Variants in GRAMD2B observed in about 807,000 individuals in gnomAD.
GRAMD2B encodes GRAM domain containing 2B, also known as GRAM domain-containing protein 2B.
In GRAMD2B, 41 loss-of-function variants were observed where a neutral mutation model predicts 59.2. The ratio of observed to expected loss-of-function variants is 0.69; its 90% CI spans 0.54 to 0.90. The LOEUF (loss-of-function observed/expected upper bound fraction) is 0.90. Ranked by LOEUF, GRAMD2B falls within the 40% of genes least tolerant of loss-of-function variation. The pLI is 0.00. For missense variants in GRAMD2B, 424 were observed against 500.5 expected (o/e 0.85, Z 1.46); for synonymous variants, 161 against 182.7 (o/e 0.88, Z 0.96).
rs115105601 is a variant in GRAMD2B, at chr5:126,451,963, G to A, written c.84-13463G>A. Among the ~76,000 whole-genome samples, 1,091 of 151,908 alleles carry A rather than the reference G, an allele frequency of 7.2e-3. 14 individuals are homozygous for A. The highest frequency in any genetic ancestry group is 0.024 in the African/African-American group (1,002 of 41,408). On this transcript the variant is annotated intron_variant, in intron 1 of 13. Transcript: ENST00000285689. ...CATGGGATGTGCCTGCTCCCCCTTC[G>A]CCTTCCACCACGATTGTAAGCTCCC...
chr5:126,464,986 C>A, intron 1 of GRAMD2B: 1 of 888,952 alleles, frequency 1.1e-6, no homozygotes, highest in Non-Finnish European at 1.3e-6. Flanking sequence ...GGTTAAACAA[C>A]ATGTAAGTGA....
chr5:126,419,267 A>G (rs1759510095), upstream of GRAMD2B, among the ~76,000 whole-genome samples: 2 of 152,116 alleles, frequency 1.3e-5, no homozygotes, highest in Non-Finnish European at 2.9e-5. Flanking sequence ...TCATAGTGAA[A>G]GGCAAAGGGG....
intron 1 of GRAMD2B, chr5:126,462,380 C>G (rs1454496731): frequency 2.0e-6 from 2 of 984,098 alleles, no homozygotes; most frequent in Non-Finnish European, 2.4e-6. Flanking sequence ...CACTCAAACA[C>G]ACGCTAGCCT....
At chr5:126,382,938 C>T (rs1340507503) in intron 1 of GRAMD2B, among the ~76,000 whole-genome samples, 1 of 152,024 alleles carries the variant, frequency 6.6e-6, no homozygotes, top group African/African-American at 2.4e-5. Context: ...TCCTGAGAGC[C>T]AGACTGCAGT....
chr5:126,386,941 T>C (rs1010141521), intron 1 of GRAMD2B, among the ~76,000 whole-genome samples: 3 of 152,216 alleles, frequency 2.0e-5, no homozygotes, highest in African/African-American at 7.2e-5. Flanking sequence ...AATTCTAAGG[T>C]TTTGTTTTAC....
chr5:126,483,641 TAAA>T, intron 9 of GRAMD2B, 67 bp downstream of exon 9: 1 of 554,596 alleles, frequency 1.8e-6, no homozygotes, highest in Non-Finnish European at 2.9e-6. Flanking sequence ...CCCACCCCCT[TAAA>T]AAAAAAAAGA....
intron 2 of GRAMD2B, 105 bp from the exon 3 acceptor site, chr5:126,469,572 T>C: frequency 4.1e-6 from 3 of 738,230 alleles, no homozygotes; most frequent in Non-Finnish European, 7.1e-6. Flanking sequence ...GACGGGGAGG[T>C]TGCAGTGAAC....
upstream of GRAMD2B, among the ~76,000 whole-genome samples, chr5:126,420,768 A>C (rs1759652775): frequency 6.6e-6 from 1 of 152,238 alleles, no homozygotes; most frequent in South Asian, 2.1e-4. Flanking sequence ...AGGGACTCAG[A>C]CAAACATTTG....
Position 126,360,417 on chromosome 5 carries a change from T to C in GRAMD2B, c.86T>C (p.Phe29Ser), listed in dbSNP as rs576411135. ...CAGCTTATGCCCTGGAAGAGTATGTTCCACGGGAGAGAAGTGAAGCCAGTG... is the reference window on the plus strand; with the variant it reads ...CAGCTTATGCCCTGGAAGAGTATGTCCCACGGGAGAGAAGTGAAGCCAGTG... The change falls in exon 1 of 14, where the codon TTC becomes TCC. Residue 29 changes from phenylalanine to serine, a missense_variant. Coordinates refer to the GRAMD2B transcript ENST00000513040. 3.9e-6 allele frequency: 6 copies of C among 1,551,368 alleles called. No homozygotes were observed. The African/African-American group carries it at 5.5e-5, about 14-fold the overall frequency.
chr5:126,367,432 TG>T (rs1754507767), upstream of GRAMD2B, among the ~76,000 whole-genome samples: 3 of 140,682 alleles, frequency 2.1e-5, no homozygotes, highest in African/African-American at 8.1e-5. Context: ...CTGTAAAAAC[TG>T]GAGGAGGAGG....
intron 1 of GRAMD2B, among the ~76,000 whole-genome samples, chr5:126,430,102 A>T (rs1195518367): frequency 6.6e-6 from 1 of 152,206 alleles, no homozygotes; most frequent in Non-Finnish European, 1.5e-5. Flanking sequence ...GTAATAAAGC[A>T]AAGATCCTTG....
At chr5:126,369,258 A>G (rs1470728633), upstream of GRAMD2B, among the ~76,000 whole-genome samples, 1 of 134,192 alleles carries the variant, frequency 7.5e-6, no homozygotes, top group Non-Finnish European at 1.6e-5. Flanking sequence ...GTAAATGCTC[A>G]ATAAATACTT....
At chr5:126,384,165 C>T (rs1487133255) in intron 1 of GRAMD2B, among the ~76,000 whole-genome samples, 4 of 152,120 alleles carry the variant, frequency 2.6e-5, no homozygotes, top group Non-Finnish European at 5.9e-5. Context: ...ATCTATTCTT[C>T]AAGAAGAATA....
At chr5:126,433,292 A>G (rs1396962848) in intron 1 of GRAMD2B, among the ~76,000 whole-genome samples, 1 of 152,232 alleles carries the variant, frequency 6.6e-6, no homozygotes, top group East Asian at 1.9e-4. Flanking sequence ...TGCCCAAGTC[A>G]TAACAGCTGT....
upstream of GRAMD2B, among the ~76,000 whole-genome samples, chr5:126,420,025 A>C (rs888327715): frequency 1.0e-4 from 14 of 135,150 alleles, no homozygotes; most frequent in Non-Finnish European, 2.1e-4. Flanking sequence ...ACTGCACTCC[A>C]GCCTGGGCAA....
Position 126,469,114 on chromosome 5 carries a change from A to C in GRAMD2B, c.204-563A>C, listed in dbSNP as rs1442776240. Among the ~76,000 whole-genome samples the C allele has an allele frequency of 2.6e-5, 4 of 152,222 alleles. No individual in the cohort carries two copies. The East Asian group carries it at 5.8e-4, about 22-fold the overall frequency. On this transcript the variant is annotated intron_variant, in intron 2 of 13. Transcript: ENST00000285689. ...TACTGATTAAAATAGTTTCGTTTTA[A>C]AATGATGTAATTATTTTCACAACTT...
intron 2 of GRAMD2B, among the ~76,000 whole-genome samples, chr5:126,465,863 G>A (rs1768253775): frequency 6.6e-6 from 1 of 152,078 alleles, no homozygotes; most frequent in Non-Finnish European, 1.5e-5. Context: ...CCGGCCTTGG[G>A]TGTGCACACC....
chr5:126,475,704 G>T (rs1306955652), intron 5 of GRAMD2B, among the ~76,000 whole-genome samples: 2 of 152,182 alleles, frequency 1.3e-5, no homozygotes, highest in African/African-American at 4.8e-5. Flanking sequence ...AGTGGCTCAC[G>T]CCTGTAATCC....
At chr5:126,392,026 A>C (rs145080137) in intron 1 of GRAMD2B, among the ~76,000 whole-genome samples, 37 of 152,322 alleles carry the variant, frequency 2.4e-4, no homozygotes, top group Admixed American at 1.3e-3. Flanking sequence ...TCCATGACTA[A>C]ATTGGCTTGA....
Sources: allele counts gnomAD v4.1 joint callset (sites outside exome capture counted in the v4.1 genomes callset), GRCh38; gene constraint gnomAD v4.1.1; transcripts MANE v1.5; gene names NCBI Gene and HGNC (gene_info 2026-07-23, HGNC 2026-07-21).